Variants in FBLIM1 observed in about 807,000 individuals in gnomAD.
The protein encoded by FBLIM1 is filamin binding LIM protein 1, also known as filamin-binding LIM protein 1.
Under a neutral mutation model 37.4 loss-of-function variants are expected in FBLIM1, and 29 were observed. The ratio of observed to expected loss-of-function variants is 0.77; its 90% CI spans 0.58 to 1.06. FBLIM1 has a LOEUF of 1.06. Among genes scored for constraint, FBLIM1 ranks in the 50% least tolerant of loss-of-function variants. The pLI is 0.00. For missense variants in FBLIM1, 449 were observed against 505.6 expected, an observed-to-expected ratio of 0.89 and a Z score of 1.07; for synonymous variants, 193 against 199.0, an observed-to-expected ratio of 0.97 and a Z score of 0.25.
In FBLIM1 at chr1:15,765,109, C is replaced by G. The variant is rs757840047; in HGVS notation, c.126C>G (p.Pro42=). ...TTTGTGAGGCCCGGCGTGGCCGCCC[C>G]TGGGAGGCTCCTGCCCCCATGAAGA... ...QAVCEARRGR[P]WEAPAPMKTP... The change falls in exon 3 of 9, where the codon CCC becomes CCG. Residue 42 remains proline (P), a synonymous_variant. Transcript: ENST00000375766. The surrounding 1 kb of genome is among the most constrained non-coding windows in gnomAD (Gnocchi z 5.9). 4 of 1,613,724 alleles carry G rather than the reference C, an allele frequency of 2.5e-6. No individual in the cohort carries two copies. In the African/African-American group the frequency reaches 5.3e-5, roughly 22 times the overall value.
chr1:15,761,977 C>T (rs1305708952), intron 1 of FBLIM1, among the ~76,000 whole-genome samples: 1 of 152,208 alleles, frequency 6.6e-6, no homozygotes, highest in Non-Finnish European at 1.5e-5. Context: ...GGCCCCACCT[C>T]AGCCTTGGCC....
At chr1:15,771,093 C>T (rs973368630) in intron 6 of FBLIM1, among the ~76,000 whole-genome samples, 18 of 152,060 alleles carry the variant, frequency 1.2e-4, no homozygotes, top group African/African-American at 4.3e-4. Flanking sequence ...GCACCTGACA[C>T]CACACCCGGC....
intron 5 of FBLIM1, 24 bp downstream of exon 5, chr1:15,768,654 T>C (rs1241826329): frequency 1.9e-6 from 3 of 1,575,386 alleles, no homozygotes; most frequent in Non-Finnish European, 2.6e-6. Context: ...GCTGAGAGGA[T>C]ACTGGGGTGA....
chr1:15,775,761 AG>A (rs1013013918), intron 7 of FBLIM1, among the ~76,000 whole-genome samples: 2 of 152,090 alleles, frequency 1.3e-5, no homozygotes, highest in African/African-American at 4.8e-5. Flanking sequence ...ACCACCCAGT[AG>A]AAATTCGGCT....
intron 1 of FBLIM1, among the ~76,000 whole-genome samples, chr1:15,763,382 C>T (rs1307816605): frequency 4.0e-5 from 6 of 151,710 alleles, no homozygotes; most frequent in Non-Finnish European, 7.4e-5. Context: ...CCTGTAATCC[C>T]AGCACTTTGG....
In FBLIM1 at chr1:15,774,482, A is replaced by C. The variant is rs2069390680; in HGVS notation, c.712-136A>C. The C allele has an allele frequency of 2.7e-6, 3 of 1,125,834 alleles. No homozygotes were observed. In the South Asian group the frequency reaches 5.0e-5, roughly 19 times the overall value. 69.7% of individuals were successfully genotyped at this position (1,125,834 alleles called of 1,614,324 possible). On this transcript the variant is annotated intron_variant, in intron 6 of 8. Coordinates refer to ENST00000375766, the MANE Select transcript of FBLIM1 (RefSeq NM_017556.4). ...AGCAATGGTGGAGGTTTTGGGCGAT[A>C]GTTACAGGTTGTCTGCAGGCCTCTC...
In FBLIM1 at chr1:15,774,874, G is replaced by C. The variant is rs2069415461; in HGVS notation, c.890+78G>C. The C allele has an allele frequency of 8.1e-6, 13 of 1,612,732 alleles. No individual in the cohort carries two copies. The highest frequency in any genetic ancestry group is 1.1e-5 in the Non-Finnish European group (13 of 1,179,422). The stretch of plus-strand genomic sequence containing the variant: ...AGCAGGGTGAAGGAGCTGAGCTTGA[G>C]TCCTGGGTGCTGGGCCAGAGTTTCC... On this transcript the variant is annotated intron_variant, in intron 7 of 8. Transcript: ENST00000375766.
In FBLIM1 at chr1:15,767,474, T is replaced by G; in HGVS notation, c.349T>G (p.Ser117Ala). 2 of 1,463,596 alleles carry G rather than the reference T, an allele frequency of 1.4e-6. No homozygotes were observed. The highest frequency in any genetic ancestry group is 1.8e-6 in the Non-Finnish European group (2 of 1,097,680). The allele number at this position is 1,463,596 out of a possible 1,614,324, so 90.7% of individuals were successfully genotyped here. A position where few individuals can be genotyped will look rare whatever the true frequency, so the allele number is the denominator to read the frequency against. The part of the protein sequence containing the change: ...PPPPPPVLLP[S>A]EEEAPAPMGA... ...ACCGCCCCCTCCAGTGCTTCTGCCT[T>G]CTGAAGAGGAGGCTCCTGCTCCAAT... The change falls in exon 4 of 9, where the codon TCT (serine) becomes GCT (alanine). Residue 117 changes from serine to alanine, a missense_variant. By Grantham distance (99) the Ser-to-Ala change is moderately conservative (BLOSUM62 1). Transcript: ENST00000375766.
intron 8 of FBLIM1, 49 bp downstream of exon 8, chr1:15,777,336 G>A: frequency 7.0e-7 from 1 of 1,431,770 alleles, no homozygotes; most frequent in Non-Finnish European, 9.8e-7. Context: ...TGCGTGCCAG[G>A]CCCTTAGCTG....
chr1:15,767,530 G>A lies in FBLIM1; in HGVS notation c.405G>A (p.Gln135=). The change falls in exon 4 of 9, where the codon CAG becomes CAA. Residue 135 remains glutamine, a synonymous_variant. Transcript: ENST00000375766. ...CCTCACTCATTGCAGACTTAGAGCAGCTGCACCTGTCCCCGCCCCCGCCCC... is the reference window on the plus strand; with the variant it reads ...CCTCACTCATTGCAGACTTAGAGCAACTGCACCTGTCCCCGCCCCCGCCCC... ...MGASLIADLE[Q]LHLSPPPPPP... 8.1e-6 allele frequency: 12 copies of A among 1,483,410 alleles called. No individual in the cohort carries two copies. Among genetic ancestry groups the A allele is most frequent in the Non-Finnish European group, 1.1e-5 (12 of 1,116,716 alleles). The allele number at this position is 1,483,410 out of a possible 1,614,324, so 91.9% of individuals were successfully genotyped here.
intron 7 of FBLIM1, among the ~76,000 whole-genome samples, chr1:15,776,420 A>C (rs1332407756): frequency 1.3e-5 from 2 of 152,064 alleles, no homozygotes; most frequent in Non-Finnish European, 2.9e-5. Flanking sequence ...CAAGGACCTG[A>C]CTTTGGGGCC....
chr1:15,777,655 C>T (rs1025619032), intron 8 of FBLIM1, among the ~76,000 whole-genome samples: 1 of 149,746 alleles, frequency 6.7e-6, no homozygotes, highest in Non-Finnish European at 1.5e-5. Flanking sequence ...CTCACTGCAA[C>T]CTCTACCTCC....
chr1:15,761,329 C>T (rs12091731), intron 1 of FBLIM1, among the ~76,000 whole-genome samples: 40,764 of 151,980 alleles, frequency 0.27, 6,529 homozygotes, highest in African/African-American at 0.45. Context: ...ATTAGAATTC[C>T]GAGTGCCATG....
At chr1:15,773,322 G>A (rs2069313033) in intron 6 of FBLIM1, among the ~76,000 whole-genome samples, 1 of 150,920 alleles carries the variant, frequency 6.6e-6, no homozygotes, top group Non-Finnish European at 1.5e-5. Context: ...GGCAGAGGCT[G>A]CAGTGAGTCA....
chr1:15,763,702 C>T (rs2148486807), intron 1 of FBLIM1, among the ~76,000 whole-genome samples: 1 of 151,868 alleles, frequency 6.6e-6, no homozygotes, highest in South Asian at 2.1e-4. Context: ...GGCAGTGGTG[C>T]AATCTTGGCT....
intron 3 of FBLIM1, among the ~76,000 whole-genome samples, chr1:15,766,419 C>T (rs576594022): frequency 6.6e-6 from 1 of 152,200 alleles, no homozygotes; most frequent in African/African-American, 2.4e-5. Context: ...GCCTCAGCCT[C>T]CCAAGTAGCT....
chr1:15,770,270 A>G, intron 5 of FBLIM1, 139 bp from the exon 6 acceptor site: 2 of 883,782 alleles, frequency 2.3e-6, no homozygotes, highest in Non-Finnish European at 3.4e-6. Flanking sequence ...AATGCTCCTC[A>G]TGACCCTCTG....
chr1:15,777,155 T>G lies in FBLIM1; in HGVS notation c.891-15T>G, dbSNP rs765428048. The stretch of plus-strand genomic sequence containing the variant: ...GGCATGAACGCCTCCCAAGCATGGG[T>G]TCCTTTGCTTCTAGGAAATTCGCCC... On this transcript the variant is annotated splice_polypyrimidine_tract_variant and intron_variant, in intron 7 of 8. Coordinates refer to ENST00000375766, the MANE Select transcript of FBLIM1 (RefSeq NM_017556.4). 4 of 1,585,640 alleles carry G rather than the reference T, an allele frequency of 2.5e-6. No homozygotes were observed. The highest frequency in any genetic ancestry group is 3.5e-6 in the Non-Finnish European group (4 of 1,159,026).
At chr1:15,781,863 C>T (rs1336345417) in intron 8 of FBLIM1, among the ~76,000 whole-genome samples, 9 of 137,848 alleles carry the variant, frequency 6.5e-5, no homozygotes, top group Non-Finnish European at 1.1e-4. Flanking sequence ...GGACCACAGG[C>T]GCCTGCCACC....
Sources: gnomAD v4.1 joint callset for allele counts (sites outside exome capture counted in the v4.1 genomes callset) on GRCh38, gnomAD v4.1.1 for gene constraint, Gnocchi (gnomAD v3.1) non-coding constraint, MANE v1.5 for transcripts, NCBI Gene and HGNC (gene_info 2026-07-23, HGNC 2026-07-21) for gene names.